The following RARB variants were observed in gnomAD, a reference collection of about 807,000 sequenced individuals.
RARB encodes the protein retinoic acid receptor beta.
RARB carries 17 observed loss-of-function variants against 51.9 expected under a neutral mutation model. The observed-to-expected ratio is 0.33, with a 90% CI of 0.22 to 0.49. RARB has a LOEUF of 0.49. RARB is among the 20% of genes least tolerant of loss of function. RARB has a pLI of 0.99. For synonymous variants in RARB, 215 were observed against 195.4 expected, an observed-to-expected ratio of 1.10 and a Z score of -0.84; for missense variants, 369 against 550.8, an observed-to-expected ratio of 0.67 and a Z score of 3.30.
intron 3 of RARB, among the ~76,000 whole-genome samples, chr3:25,097,231 C>G (rs541238146): frequency 1.7e-4 from 26 of 152,238 alleles, no homozygotes; most frequent in African/African-American, 6.0e-4. Context: ...CACTGGACCG[C>G]TTCTTGGAGG....
At chr3:24,950,914 G>A (rs1695876898) in intron 2 of RARB, among the ~76,000 whole-genome samples, 1 of 152,128 alleles carries the variant, frequency 6.6e-6, no homozygotes, top group Admixed American at 6.6e-5. Flanking sequence ...AAACAATGGT[G>A]GTGGGACACC....
At chr3:24,933,673 G>A (rs956196987) in intron 2 of RARB, among the ~76,000 whole-genome samples, 6 of 152,038 alleles carry the variant, frequency 3.9e-5, no homozygotes, top group African/African-American at 1.4e-4. Flanking sequence ...TGTTCTAGAA[G>A]GCCAGCAACC....
At chr3:24,936,499 A>G (rs1484035057) in intron 2 of RARB, among the ~76,000 whole-genome samples, 1 of 152,214 alleles carries the variant, frequency 6.6e-6, no homozygotes, top group African/African-American at 2.4e-5. Context: ...CTAACAATCA[A>G]CTCAAATGAC....
intron 5 of RARB, among the ~76,000 whole-genome samples, chr3:25,270,154 G>A (rs749553765): frequency 7.2e-5 from 11 of 152,154 alleles, no homozygotes; most frequent in Non-Finnish European, 1.5e-4. Context: ...TCACTTATGG[G>A]TGTTAACTAG....
At chr3:25,119,700 A>G (rs1356687820) in intron 3 of RARB, among the ~76,000 whole-genome samples, 2 of 152,086 alleles carry the variant, frequency 1.3e-5, no homozygotes, top group Non-Finnish European at 2.9e-5. Flanking sequence ...CTCTTGTGTC[A>G]ATACTAAGGA....
chr3:25,313,185 C>T (rs1178823753), intron 5 of RARB, among the ~76,000 whole-genome samples: 2 of 152,172 alleles, frequency 1.3e-5, no homozygotes, highest in African/African-American at 4.8e-5. Flanking sequence ...AAGTTCCCCT[C>T]TTATGGGAAT....
chr3:25,066,050 T>C (rs1443032332), intron 3 of RARB, among the ~76,000 whole-genome samples: 6 of 152,206 alleles, frequency 3.9e-5, no homozygotes, highest in African/African-American at 1.4e-4. Flanking sequence ...ATTGAGCATG[T>C]AGAATAAACA....
chr3:25,253,011 C>G (rs1191100278), intron 5 of RARB, among the ~76,000 whole-genome samples: 1 of 152,126 alleles, frequency 6.6e-6, no homozygotes, highest in African/African-American at 2.4e-5. Flanking sequence ...GTGTCTGTGA[C>G]TAAGTATGTA....
At chr3:25,572,495 A>G (rs549327765) in intron 4 of RARB, among the ~76,000 whole-genome samples, 234 of 152,276 alleles carry the variant, frequency 1.5e-3, no homozygotes, top group African/African-American at 5.3e-3. Flanking sequence ...TTAGTCAACA[A>G]GTGGTCAGAG....
intron 3 of RARB, among the ~76,000 whole-genome samples, chr3:25,545,747 C>G (rs1699592531): frequency 6.6e-6 from 1 of 152,186 alleles, no homozygotes; most frequent in Non-Finnish European, 1.5e-5. Flanking sequence ...AGCCTCCCTT[C>G]CAGATCCTTC....
At chr3:25,176,440 G>C (rs951080011) in intron 5 of RARB, among the ~76,000 whole-genome samples, 1 of 147,014 alleles carries the variant, frequency 6.8e-6, no homozygotes, top group Admixed American at 6.9e-5. Context: ...TCTGTCGCCG[G>C]GCCAGAGTGC....
rs1166810790 is a variant in RARB, at chr3:25,597,844, G to GTTTGT, written c.*1231_*1235dup. On this transcript the variant is annotated 3_prime_UTR_variant, in exon 8 of 8. Transcript: ENST00000330688. Reference sequence around the variant, plus strand: ...CTGGCTCTGTTTGTACATTGAGATTGTTTGTTTAACAATGCTTTCTATGTT... The same window carrying GTTTGT: ...CTGGCTCTGTTTGTACATTGAGATTGTTTGTTTTGTTTAACAATGCTTTCTATGTT... 6.6e-6 allele frequency: 1 copy of GTTTGT among 152,034 alleles called. No individual in the cohort carries two copies. Among genetic ancestry groups the GTTTGT allele is most frequent in the Non-Finnish European group, 1.5e-5 (1 of 67,930 alleles). 9.4% of individuals were successfully genotyped at this position (152,034 alleles called of 1,614,324 possible). A position where few individuals can be genotyped will look rare whatever the true frequency, so the allele number is the denominator to read the frequency against.
chr3:25,116,385 A>G (rs551358988), intron 3 of RARB, among the ~76,000 whole-genome samples: 1 of 152,074 alleles, frequency 6.6e-6, no homozygotes, highest in Non-Finnish European at 1.5e-5. Flanking sequence ...GTCATGACCT[A>G]AGTAATCCCC....
rs1364462708 is a variant in RARB at position 25,146,503 on chromosome 3, G to GTTTTTTTT, written c.-280+14298_-280+14299insTTTTTTTT. ...CTATAATTTGCTAAGTTTTTTGTTT[G>GTTTTTTTT]TTTGTTTGTTTTTTTTTTTTTGAGA... On this transcript the variant is annotated intron_variant, in intron 4 of 11. Coordinates refer to the RARB transcript ENST00000383772. Among the ~76,000 whole-genome samples the GTTTTTTTT allele has an allele frequency of 1.8e-3, 131 of 73,534 alleles. 1 individual carries two copies. Among genetic ancestry groups the GTTTTTTTT allele is most frequent in the African/African-American group, 4.6e-3 (119 of 26,064 alleles). The allele number at this position is 73,534 out of a possible 152,430, so 48.2% of individuals were successfully genotyped here.
intron 1 of RARB, among the ~76,000 whole-genome samples, chr3:24,852,807 A>T (rs1702576930): frequency 6.6e-6 from 1 of 152,208 alleles, no homozygotes; most frequent in Admixed American, 6.5e-5. Flanking sequence ...GCAAATCTAC[A>T]GATAGAGAAA....
intron 3 of RARB, among the ~76,000 whole-genome samples, chr3:25,113,708 T>C (rs1453410364): frequency 6.6e-6 from 1 of 152,048 alleles, no homozygotes; most frequent in East Asian, 1.9e-4. Flanking sequence ...CCTGCTGGGA[T>C]ATAGACAACT....
chr3:25,220,642 C>G (rs1701927024), intron 5 of RARB, among the ~76,000 whole-genome samples: 1 of 152,220 alleles, frequency 6.6e-6, no homozygotes, highest in Non-Finnish European at 1.5e-5. Context: ...TTCATTCTTT[C>G]ACCTGCTGCC....
At chr3:25,254,516 A>G (rs79091227) in intron 5 of RARB, among the ~76,000 whole-genome samples, 24 of 152,282 alleles carry the variant, frequency 1.6e-4, no homozygotes, top group African/African-American at 5.5e-4. Context: ...CTGAAACAAT[A>G]TCATTATTGG....
chr3:25,439,175 T>G (rs1490878935), intron 1 of RARB, among the ~76,000 whole-genome samples: 3 of 152,188 alleles, frequency 2.0e-5, no homozygotes, highest in Non-Finnish European at 4.4e-5. Flanking sequence ...AGTGGAGCTA[T>G]TTTGTCTTCC....
Sources: gnomAD v4.1 joint callset for allele counts (sites outside exome capture counted in the v4.1 genomes callset) on GRCh38, gnomAD v4.1.1 for gene constraint, MANE v1.5 for transcripts, NCBI Gene and HGNC (gene_info 2026-07-23, HGNC 2026-07-21) for gene names.